SYNPO2: variants seen among roughly 807,000 people sequenced by gnomAD.
SYNPO2 encodes synaptopodin 2.
SYNPO2 carries 56 observed loss-of-function variants against 85.0 expected under a neutral mutation model. The ratio of observed to expected loss-of-function variants is 0.66; its 90% confidence interval spans 0.53 to 0.82. The LOEUF is 0.82. Ranked by LOEUF, SYNPO2 falls within the 40% of genes least tolerant of loss-of-function variation. The pLI is 0.00. For missense variants in SYNPO2, 1,575 were observed against 1,534.2 expected (o/e 1.03, Z -0.44); for synonymous variants, 602 against 591.1 (o/e 1.02, Z -0.27).
chr4:118,852,195 G>A (rs1382366485), intron 1 of SYNPO2, among the ~76,000 whole-genome samples: 1 of 152,142 alleles, frequency 6.6e-6, no homozygotes, highest in Admixed American at 6.5e-5. Context: ...TAGTCAGAAT[G>A]GCTGTTGTTA....
At chr4:118,875,595 A>G (rs997106363) in intron 1 of SYNPO2, among the ~76,000 whole-genome samples, 1 of 152,226 alleles carries the variant, frequency 6.6e-6, no homozygotes, top group African/African-American at 2.4e-5. Context: ...ATTATCTAGC[A>G]TGTTCCTGAA....
intron 1 of SYNPO2, among the ~76,000 whole-genome samples, chr4:119,003,108 C>T (rs1047859166): frequency 3.9e-5 from 6 of 152,026 alleles, no homozygotes; most frequent in Admixed American, 2.6e-4. Context: ...GTATTAGTCA[C>T]ACTGCTATAA....
At chr4:118,900,731 A>ATATATATC (rs70944819) in intron 1 of SYNPO2, among the ~76,000 whole-genome samples, 1 of 87,626 alleles carries the variant, frequency 1.1e-5, no homozygotes, top group Non-Finnish European at 2.4e-5. Flanking sequence ...ATATATATAT[A>ATATATATC]TGTCTGTCTG....
At chr4:118,890,729 CTCTCTGTG>C (rs1560828845) in intron 1 of SYNPO2, among the ~76,000 whole-genome samples, 1 of 137,092 alleles carries the variant, frequency 7.3e-6, no homozygotes, top group African/African-American at 2.7e-5. Flanking sequence ...CTCTCTCTCT[CTCTCTGTG>C]TGTGTGTGTG....
At chr4:119,000,001 TC>T (rs1424589471) in intron 1 of SYNPO2, among the ~76,000 whole-genome samples, 2 of 152,160 alleles carry the variant, frequency 1.3e-5, no homozygotes, top group East Asian at 3.9e-4. Flanking sequence ...AGAAAGAAGC[TC>T]CTGACCATGG....
intron 1 of SYNPO2, among the ~76,000 whole-genome samples, chr4:118,993,273 A>G (rs972401884): frequency 2.0e-5 from 3 of 152,170 alleles, no homozygotes; most frequent in Non-Finnish European, 4.4e-5. Context: ...TTAAAAAAAA[A>G]TAGTGCCTTA....
At chr4:118,870,129 G>T (rs1189666975) in intron 1 of SYNPO2, among the ~76,000 whole-genome samples, 1 of 152,186 alleles carries the variant, frequency 6.6e-6, no homozygotes, top group African/African-American at 2.4e-5. Flanking sequence ...AAACTCAGTG[G>T]TTGCTGTTTT....
At chr4:118,857,180 A>C (rs1017247117) in intron 1 of SYNPO2, among the ~76,000 whole-genome samples, 1 of 152,224 alleles carries the variant, frequency 6.6e-6, no homozygotes, top group Non-Finnish European at 1.5e-5. Flanking sequence ...CAAACACTAA[A>C]AACACAAAAT....
upstream of SYNPO2, among the ~76,000 whole-genome samples, chr4:118,887,176 T>A (rs1254381177): frequency 7.1e-6 from 1 of 140,476 alleles, no homozygotes; most frequent in Non-Finnish European, 1.6e-5. Flanking sequence ...AGTGTGTGTG[T>A]GTGTGTGTGT....
intron 4 of SYNPO2, among the ~76,000 whole-genome samples, chr4:119,049,395 G>T (rs547610563): frequency 6.6e-6 from 1 of 152,094 alleles, no homozygotes; most frequent in Non-Finnish European, 1.5e-5. Context: ...GTTTAAGAGA[G>T]AAAAGAGTCA....
intron 4 of SYNPO2, chr4:119,036,243 G>A: frequency 2.0e-6 from 2 of 985,436 alleles, no homozygotes; most frequent in South Asian, 9.4e-5. Flanking sequence ...CTAGAGGGAA[G>A]TCGTGGGGCG....
intron 1 of SYNPO2, among the ~76,000 whole-genome samples, chr4:118,914,649 G>T (rs567334946): frequency 2.6e-5 from 4 of 152,024 alleles, no homozygotes; most frequent in Admixed American, 6.6e-5. Flanking sequence ...ATAATAGTTG[G>T]CTGAGAAATG....
At chr4:119,046,178 A>G (rs1171493954) in intron 4 of SYNPO2, among the ~76,000 whole-genome samples, 2 of 152,196 alleles carry the variant, frequency 1.3e-5, no homozygotes, top group Non-Finnish European at 2.9e-5. Context: ...TACATAGTAA[A>G]AGTTTTGTAC....
intron 1 of SYNPO2, among the ~76,000 whole-genome samples, chr4:118,910,666 A>G (rs1733105591): frequency 6.6e-6 from 1 of 152,006 alleles, no homozygotes; most frequent in Non-Finnish European, 1.5e-5. Context: ...TTTCATAGAA[A>G]AGCTATATTG....
chr4:119,007,216 G>GTATATA (rs66895824), intron 1 of SYNPO2, among the ~76,000 whole-genome samples: 1,110 of 46,040 alleles, frequency 0.024, 43 homozygotes, highest in East Asian at 0.047. Flanking sequence ...AAGAACAAAG[G>GTATATA]TATATATATA....
intron 1 of SYNPO2, among the ~76,000 whole-genome samples, chr4:118,977,689 C>A (rs373047317): frequency 1.3e-5 from 2 of 152,270 alleles, no homozygotes; most frequent in Non-Finnish European, 2.9e-5. Flanking sequence ...GGCTAGAAAT[C>A]AGACATGTCT....
chr4:119,016,206 G>A (rs903643531), intron 1 of SYNPO2, among the ~76,000 whole-genome samples: 8 of 152,056 alleles, frequency 5.3e-5, no homozygotes, highest in African/African-American at 1.4e-4. Flanking sequence ...TCCAGTATAC[G>A]AGGTCAGGAG....
rs113223022 is a variant in SYNPO2 at position 118,922,983 on chromosome 4, A to G, written c.105+33842A>G. ...TTATACATCTGTACTTATAGGACAA[A>G]GTAAATCTTTAAAATAAGATAATGA... On this transcript the variant is annotated intron_variant, in intron 1 of 4. Transcript: ENST00000307142. Among the ~76,000 whole-genome samples, 852 of 152,308 alleles carry G rather than the reference A, an allele frequency of 5.6e-3. 12 individuals are homozygous for G. The highest frequency in any genetic ancestry group is 0.019 in the African/African-American group (801 of 41,570).
At chr4:119,033,484 C>T in intron 4 of SYNPO2, 1 of 985,348 alleles carries the variant, frequency 1.0e-6, no homozygotes. Context: ...CTGAGTCTGA[C>T]CAACCATGGA....
Sources: gnomAD v4.1 joint callset for allele counts (sites outside exome capture counted in the v4.1 genomes callset) on GRCh38, gnomAD v4.1.1 for gene constraint, MANE v1.5 for transcripts, NCBI Gene and HGNC (gene_info 2026-07-23, HGNC 2026-07-21) for gene names.